INCENP: variants seen among roughly 807,000 people sequenced by gnomAD.
The protein encoded by INCENP is binds and activates aurora-B and -C in vivo and in vitro.
A neutral mutation model predicts 107.3 loss-of-function variants in INCENP; 43 were observed. The observed-to-expected ratio is 0.40, with a 90% CI of 0.31 to 0.52. The LOEUF (loss-of-function observed/expected upper bound fraction) is 0.52, where lower values mean the gene tolerates loss of function less well. INCENP is among the 20% of genes least tolerant of loss of function. The pLI is 0.53. For missense variants in INCENP, 1,089 were observed against 1,250.9 expected (o/e 0.87, Z 1.95); for synonymous variants, 488 against 494.4 (o/e 0.99, Z 0.17).
intron 3 of INCENP, 121 bp downstream of exon 3, chr11:62,129,004 T>TACCC: frequency 1.4e-6 from 1 of 698,204 alleles, no homozygotes; most frequent in South Asian, 1.7e-5. Flanking sequence ...GGGTGGTGGG[T>TACCC]ACCACCGCGG....
Position 62,130,009 on chromosome 11 carries a change from C to T in INCENP, c.482C>T (p.Thr161Ile). Residue 161 changes from threonine (T) to isoleucine (I), a missense_variant, in exon 4 of 19, where the codon ACC (threonine) becomes ATC (isoleucine). By Grantham distance (89) the Thr-to-Ile change is moderately conservative. Coordinates refer to ENST00000394818, the MANE Select transcript of INCENP (RefSeq NM_001040694.2). Reference protein sequence around the residue: ...MLTKKPEDNHTQCQLVPVVEI... With the variant: ...MLTKKPEDNHIQCQLVPVVEI... ...ACTAAGAAGCCCGAGGATAACCACA[C>T]CCAGTGCCAGCTGGTGCCTGTGGTG... is the stretch of plus-strand genomic sequence containing the variant. 1 of 1,614,116 alleles carries T rather than the reference C, an allele frequency of 6.2e-7. No homozygotes were observed. The highest frequency in any genetic ancestry group is 1.1e-5 in the South Asian group (1 of 91,080).
At chr11:62,128,031 C>T in intron 1 of INCENP, 120 bp from the exon 2 acceptor site, 2 of 929,616 alleles carry the variant, frequency 2.2e-6, no homozygotes, top group Non-Finnish European at 3.3e-6. Context: ...GAGAGGGGCC[C>T]TGGTTCGGGC....
chr11:62,125,726 G>A (rs1475096400), intron 1 of INCENP, among the ~76,000 whole-genome samples: 4 of 152,216 alleles, frequency 2.6e-5, no homozygotes, highest in African/African-American at 9.7e-5. Context: ...TAGGTGTAGA[G>A]TTGATGGGTG....
chr11:62,148,662 A>T, intron 16 of INCENP, 77 bp from the exon 17 acceptor site: 1 of 1,266,568 alleles, frequency 7.9e-7, no homozygotes. Flanking sequence ...AGGGAGGAGA[A>T]TGGAGCGGAG....
intron 1 of INCENP, among the ~76,000 whole-genome samples, chr11:62,127,427 A>G (rs1043542447): frequency 6.6e-6 from 1 of 152,228 alleles, no homozygotes; most frequent in Non-Finnish European, 1.5e-5. Context: ...CAATGCTTGT[A>G]GGCAAGTTTT....
intron 2 of INCENP, 42 bp downstream of exon 2, chr11:62,128,343 G>T (rs753581149): frequency 6.2e-7 from 1 of 1,612,230 alleles, no homozygotes; most frequent in Non-Finnish European, 8.5e-7. Context: ...ACCAGGGCCT[G>T]TCTGGGCTGC....
chr11:62,129,049 G>A (rs1000425424), intron 3 of INCENP, among the ~76,000 whole-genome samples, 166 bp downstream of exon 3: 1 of 152,182 alleles, frequency 6.6e-6, no homozygotes, highest in African/African-American at 2.4e-5. Flanking sequence ...GGGTTGGGAT[G>A]CCACAGGGAA....
rs1440412102 is a variant in INCENP, at chr11:62,140,966, C to T, written c.1515C>T (p.Leu505=). ...FLHTVQRNQM[L]MTPTSAPRSV... ...ACACAGTGCAGAGGAACCAGATGCT[C>T]ATGACCCCGACCTCAGCCCCACGCA... Residue 505 remains leucine (L), a synonymous_variant, in exon 10 of 19, where the codon CTC becomes CTT. Transcript: ENST00000394818. 3 of 1,614,124 alleles carry T rather than the reference C, an allele frequency of 1.9e-6. No individual in the cohort carries two copies. Among genetic ancestry groups the T allele is most frequent in the South Asian group, 1.1e-5 (1 of 91,096 alleles).
At chr11:62,133,323 A>G (rs79030748) in intron 4 of INCENP, among the ~76,000 whole-genome samples, 1 of 152,116 alleles carries the variant, frequency 6.6e-6, no homozygotes, top group African/African-American at 2.4e-5. Flanking sequence ...TAGGAAAAAA[A>G]GCCAGCAGTC....
chr11:62,147,350 C>G (rs899801620), intron 15 of INCENP, among the ~76,000 whole-genome samples: 1 of 152,106 alleles, frequency 6.6e-6, no homozygotes, highest in African/African-American at 2.4e-5. Context: ...CAGACTGTTC[C>G]CCTGCCTTGG....
At chr11:62,149,409 C>A (rs1269983214) in intron 17 of INCENP, among the ~76,000 whole-genome samples, 1 of 152,152 alleles carries the variant, frequency 6.6e-6, no homozygotes, top group Non-Finnish European at 1.5e-5. Context: ...ACTGCTGTTA[C>A]CAAACAAAAC....
chr11:62,151,732 A>G, intron 18 of INCENP, 30 bp from the exon 19 acceptor site: 1 of 1,594,720 alleles, frequency 6.3e-7, no homozygotes, highest in African/African-American at 1.3e-5. Context: ...GAGAGCCCCA[A>G]GGCAGTGTCT....
intron 15 of INCENP, among the ~76,000 whole-genome samples, chr11:62,147,408 G>A (rs1457206167): frequency 6.6e-6 from 1 of 152,192 alleles, no homozygotes; most frequent in African/African-American, 2.4e-5. Context: ...TGCAGATGCA[G>A]TGGTCTCTGT....
intron 5 of INCENP, chr11:62,138,086 G>T: frequency 1.6e-6 from 1 of 609,550 alleles, no homozygotes; most frequent in South Asian, 1.9e-5. Context: ...GCACCCGTCA[G>T]CGTTGCTGGT....
At position 62,152,030 on chromosome 11, in the gene INCENP, T is replaced by A. The variant is rs1944387020; in HGVS notation, c.*54T>A. On this transcript the variant is annotated 3_prime_UTR_variant, in exon 19 of 19. Coordinates refer to ENST00000394818, the MANE Select transcript of INCENP (RefSeq NM_001040694.2). ...CGCCTCCTGTCCATGTCTATCTGTC[T>A]GTCTGTCGGTCTCTGTCTTGGTCTG... The A allele has an allele frequency of 1.5e-6, 2 of 1,375,884 alleles. No homozygotes were observed. The highest frequency in any genetic ancestry group is 3.6e-5 in the Admixed American group (2 of 55,520). The allele number at this position is 1,375,884 out of a possible 1,614,324, so 85.2% of individuals were successfully genotyped here. A position where few individuals can be genotyped will look rare whatever the true frequency, so the allele number is the denominator to read the frequency against.
intron 13 of INCENP, 51 bp downstream of exon 13, chr11:62,145,340 G>A (rs1346716047): frequency 2.5e-6 from 4 of 1,610,402 alleles, no homozygotes; most frequent in Non-Finnish European, 3.4e-6. Flanking sequence ...TGGGCCAAGG[G>A]TTAGGACTGG....
At position 62,138,983 on chromosome 11, in the gene INCENP, A is replaced by T. The variant is rs112355145; in HGVS notation, c.1269A>T (p.Glu423Asp). ...CGAAGCCTGCAGCCAGCAGCCCGGAAACACCCTCTGCAGGGCAGCAAGGTG... is the reference window on the plus strand; with the variant it reads ...CGAAGCCTGCAGCCAGCAGCCCGGATACACCCTCTGCAGGGCAGCAAGGTG... ...PNPKPAASSP[E>D]TPSAGQQEAK... The change falls in exon 7 of 19, where the codon GAA (glutamate) becomes GAT (aspartate). Residue 423 changes from glutamate (E) to aspartate (D), a missense_variant. Transcript: ENST00000394818. 27 of 1,613,864 alleles carry T rather than the reference A, an allele frequency of 1.7e-5. No individual in the cohort carries two copies. Among genetic ancestry groups the T allele is most frequent in the African/African-American group, 1.6e-4 (12 of 75,044 alleles).
intron 11 of INCENP, 98 bp from the exon 12 acceptor site, chr11:62,144,884 C>T (rs1305252615): frequency 3.7e-6 from 4 of 1,070,432 alleles, no homozygotes; most frequent in South Asian, 1.3e-5. Flanking sequence ...CTGCCACCCA[C>T]GTGGCTGCAG....
At chr11:62,149,369 C>G (rs1944324789) in intron 17 of INCENP, among the ~76,000 whole-genome samples, 1 of 152,190 alleles carries the variant, frequency 6.6e-6, no homozygotes, top group Non-Finnish European at 1.5e-5. Context: ...GCCGGCTCCT[C>G]TTGATGAGCA....
Sources: allele counts gnomAD v4.1 joint callset (sites outside exome capture counted in the v4.1 genomes callset), GRCh38; gene constraint gnomAD v4.1.1; transcripts MANE v1.5; gene names NCBI Gene and HGNC (gene_info 2026-07-23, HGNC 2026-07-21).